ENOPH1: variants seen among roughly 807,000 people sequenced by gnomAD.
ENOPH1 encodes the protein enolase-phosphatase E1.
Under a neutral mutation model 31.1 loss-of-function variants are expected in ENOPH1, and 14 were observed. That is an observed-to-expected ratio of 0.45 (90% confidence interval 0.30 to 0.70). The LOEUF (loss-of-function observed/expected upper bound fraction) is 0.70. ENOPH1 is among the 30% of genes least tolerant of loss of function. The pLI is 0.09. For missense variants in ENOPH1, 243 were observed against 321.5 expected (o/e 0.76, Z 1.87); for synonymous variants, 127 against 123.2 (o/e 1.03, Z -0.21).
chr4:82,456,855 A>G, intron 4 of ENOPH1, 60 bp from the exon 5 acceptor site: 2 of 1,569,334 alleles, frequency 1.3e-6, no homozygotes, highest in Non-Finnish European at 1.7e-6. Context: ...TTTCAGAGAA[A>G]GGCATGAGGG....
intron 5 of ENOPH1, among the ~76,000 whole-genome samples, chr4:82,457,582 T>C (rs896496965): frequency 5.3e-5 from 8 of 152,210 alleles, no homozygotes; most frequent in African/African-American, 1.9e-4. Context: ...TCTTCTCGTT[T>C]AACTCCTTGT....
chr4:82,432,228 C>T (rs886936950), intron 1 of ENOPH1, among the ~76,000 whole-genome samples: 3 of 152,164 alleles, frequency 2.0e-5, no homozygotes, highest in Non-Finnish European at 4.4e-5. Context: ...AATATAAAAT[C>T]CATGTACACT....
chr4:82,443,136 G>A (rs937498213), intron 1 of ENOPH1, among the ~76,000 whole-genome samples: 1 of 151,734 alleles, frequency 6.6e-6, no homozygotes, highest in Admixed American at 6.6e-5. Context: ...AGAATAAAAA[G>A]CAACATAAAT....
chr4:82,455,864 A>G (rs1481191646), intron 4 of ENOPH1, among the ~76,000 whole-genome samples: 3 of 152,208 alleles, frequency 2.0e-5, no homozygotes, highest in Non-Finnish European at 2.9e-5. Flanking sequence ...GTTACTTACA[A>G]TAGGTAACTT....
intron 1 of ENOPH1, among the ~76,000 whole-genome samples, chr4:82,443,333 G>C (rs1408976832): frequency 6.6e-6 from 1 of 151,964 alleles, no homozygotes; most frequent in Non-Finnish European, 1.5e-5. Flanking sequence ...AGCTACTCAG[G>C]AGGCTGAGGT....
intron 1 of ENOPH1, among the ~76,000 whole-genome samples, chr4:82,443,978 G>T (rs1360825740): frequency 6.6e-6 from 1 of 151,916 alleles, no homozygotes; most frequent in Admixed American, 6.6e-5. Flanking sequence ...GGGTTCAAGC[G>T]ATTCTCCTGC....
chr4:82,457,156 T>A, intron 5 of ENOPH1, 118 bp downstream of exon 5: 1 of 974,492 alleles, frequency 1.0e-6, no homozygotes, highest in Non-Finnish European at 1.5e-6. Context: ...AAAACAGTTT[T>A]ACGGTTTTAT....
rs1377994724 is a variant in ENOPH1, at chr4:82,460,424, CTA to C, written c.*306_*307del. 3.5e-5 allele frequency: 7 copies of C among 201,920 alleles called. No individual in the cohort carries two copies. The highest frequency in any genetic ancestry group is 6.9e-5 in the Non-Finnish European group (7 of 101,372). The allele number at this position is 201,920 out of a possible 1,614,324, so 12.5% of individuals were successfully genotyped here. A position where few individuals can be genotyped will look rare whatever the true frequency, so the allele number is the denominator to read the frequency against. On this transcript the variant is annotated 3_prime_UTR_variant, in exon 6 of 6. Transcript: ENST00000273920. ...AATTGCTAAATACCTATCTAATGTG[CTA>C]TGTTTATCAAATCGTGTACTAAAAT...
At chr4:82,432,358 G>T (rs1358852445) in intron 1 of ENOPH1, among the ~76,000 whole-genome samples, 2 of 151,014 alleles carry the variant, frequency 1.3e-5, no homozygotes, top group African/African-American at 4.9e-5. Flanking sequence ...TTTTGTTTTT[G>T]TTTTGAGGCG....
intron 1 of ENOPH1, among the ~76,000 whole-genome samples, chr4:82,438,891 A>C: frequency 6.6e-6 from 1 of 152,316 alleles, no homozygotes; most frequent in East Asian, 1.9e-4. Context: ...ATTCTTTTTT[A>C]CAATAAAAGG....
chr4:82,456,280 T>C (rs1285757977), intron 4 of ENOPH1, among the ~76,000 whole-genome samples: 3 of 151,746 alleles, frequency 2.0e-5, no homozygotes, highest in Admixed American at 6.6e-5. Context: ...TGCTTGTTTT[T>C]AGTTTGTGAA....
chr4:82,435,855 A>G (rs1447253551), intron 1 of ENOPH1, among the ~76,000 whole-genome samples: 1 of 152,142 alleles, frequency 6.6e-6, no homozygotes, highest in Non-Finnish European at 1.5e-5. Context: ...CAGTCTACGG[A>G]TTTAGGCTTT....
chr4:82,439,036 A>C (rs1464966983), intron 1 of ENOPH1, among the ~76,000 whole-genome samples: 1 of 152,192 alleles, frequency 6.6e-6, no homozygotes, highest in Non-Finnish European at 1.5e-5. Flanking sequence ...TTTTCCCATC[A>C]GCTCACTAAA....
chr4:82,455,024 A>T (rs569908389), intron 4 of ENOPH1, among the ~76,000 whole-genome samples, 170 bp downstream of exon 4: 1 of 152,152 alleles, frequency 6.6e-6, no homozygotes, highest in Non-Finnish European at 1.5e-5. Context: ...AGTTTCTTCT[A>T]TATAAGGTTG....
intron 1 of ENOPH1, among the ~76,000 whole-genome samples, chr4:82,436,130 A>G (rs944716684): frequency 2.0e-5 from 3 of 152,128 alleles, no homozygotes; most frequent in Non-Finnish European, 2.9e-5. Context: ...TCTGCTCCTT[A>G]TTGCCCTACC....
chr4:82,447,451 G>A (rs1464514910), intron 1 of ENOPH1, among the ~76,000 whole-genome samples: 6 of 152,200 alleles, frequency 3.9e-5, no homozygotes, highest in African/African-American at 9.6e-5. Flanking sequence ...ATGCATGGGG[G>A]ATAAAGCTGT....
At chr4:82,454,603 G>A in intron 3 of ENOPH1, 119 bp from the exon 4 acceptor site, 3 of 1,102,974 alleles carry the variant, frequency 2.7e-6, no homozygotes, top group Non-Finnish European at 3.9e-6. Flanking sequence ...GTCTCAGGGA[G>A]CTGCTTCTCA....
intron 1 of ENOPH1, among the ~76,000 whole-genome samples, 178 bp downstream of exon 1, chr4:82,431,091 C>G (rs983956469): frequency 6.6e-6 from 1 of 152,158 alleles, no homozygotes. Flanking sequence ...TGCTTTTCCT[C>G]GCGACACTAG....
In ENOPH1 at chr4:82,430,721, G is replaced by A. The variant is rs1721713967; in HGVS notation, c.-109G>A. On this transcript the variant is annotated 5_prime_UTR_variant, in exon 1 of 6. Transcript: ENST00000273920. Reference sequence around the variant, plus strand: ...GCACTTGGTCGCTGGCTCCGAGATCGCGCGGGGCCGCCGGAAGCCCAAGAC... The same window carrying A: ...GCACTTGGTCGCTGGCTCCGAGATCACGCGGGGCCGCCGGAAGCCCAAGAC... The A allele has an allele frequency of 1.8e-5, 18 of 1,000,182 alleles. No homozygotes were observed. In the East Asian group the frequency reaches 4.3e-4, roughly 24 times the overall value. The allele number at this position is 1,000,182 out of a possible 1,614,324, so 62.0% of individuals were successfully genotyped here.
Sources: allele counts gnomAD v4.1 joint callset (sites outside exome capture counted in the v4.1 genomes callset), GRCh38; gene constraint gnomAD v4.1.1; transcripts MANE v1.5; gene names NCBI Gene and HGNC (gene_info 2026-07-23, HGNC 2026-07-21).